CDH2: variants seen among roughly 807,000 people sequenced by gnomAD.
CDH2 encodes the protein cadherin 2, also known as cadherin-2.
Under a neutral mutation model 92.0 loss-of-function variants are expected in CDH2, and 17 were observed. That is an observed-to-expected ratio of 0.18 (90% CI 0.13 to 0.28). The LOEUF is 0.28. CDH2 is among the 10% of genes least tolerant of loss of function. The pLI, the probability that CDH2 is intolerant of heterozygous loss-of-function variation, is 1.00. For synonymous variants in CDH2, 419 were observed against 415.9 expected, an observed-to-expected ratio of 1.01 and a Z score of -0.09; for missense variants, 862 against 1,133.1, an observed-to-expected ratio of 0.76 and a Z score of 3.44.
intron 1 of CDH2, among the ~76,000 whole-genome samples, chr18:28,162,716 C>T (rs1376768644): frequency 6.6e-6 from 1 of 152,208 alleles, no homozygotes; most frequent in Admixed American, 6.5e-5. Context: ...TTTCAAGGAA[C>T]TGGCCGAGTT....
At chr18:27,997,596 T>G (rs1339340932) in intron 7 of CDH2, among the ~76,000 whole-genome samples, 4 of 151,950 alleles carry the variant, frequency 2.6e-5, no homozygotes, top group Admixed American at 6.6e-5. Context: ...AGATTGCAGG[T>G]AGAGGGACAG....
intron 15 of CDH2, among the ~76,000 whole-genome samples, chr18:27,959,939 C>T (rs1479626535): frequency 6.6e-6 from 1 of 151,930 alleles, no homozygotes; most frequent in African/African-American, 2.4e-5. Flanking sequence ...GGCTTGACCC[C>T]AGGAGGCTGA....
At chr18:28,112,181 A>G (rs2015424057) in intron 2 of CDH2, among the ~76,000 whole-genome samples, 1 of 152,248 alleles carries the variant, frequency 6.6e-6, no homozygotes, top group Non-Finnish European at 1.5e-5. Context: ...CCATGTCACC[A>G]GCAGACCACT....
chr18:28,045,356 T>C, intron 2 of CDH2: 1 of 454,534 alleles, frequency 2.2e-6, no homozygotes, highest in South Asian at 1.7e-5. Flanking sequence ...AACCCAAAGC[T>C]TATCAGGTTT....
At chr18:28,090,657 G>A (rs2015020473) in intron 2 of CDH2, among the ~76,000 whole-genome samples, 1 of 152,144 alleles carries the variant, frequency 6.6e-6, no homozygotes, top group Non-Finnish European at 1.5e-5. Context: ...GCAAACTGGT[G>A]GCAATGCTAT....
intron 2 of CDH2, among the ~76,000 whole-genome samples, chr18:28,100,221 A>T (rs949621157): frequency 1.3e-5 from 2 of 152,200 alleles, no homozygotes; most frequent in African/African-American, 4.8e-5. Context: ...TAGACTGAAT[A>T]AAACAGATTG....
At chr18:28,013,369 T>C (rs1013386504) in intron 3 of CDH2, among the ~76,000 whole-genome samples, 4 of 152,202 alleles carry the variant, frequency 2.6e-5, no homozygotes, top group Non-Finnish European at 5.9e-5. Context: ...TTGTAAAGAA[T>C]TGTTTATTTT....
At chr18:27,947,651 T>C, downstream of CDH2, among the ~76,000 whole-genome samples, 1 of 147,556 alleles carries the variant, frequency 6.8e-6, no homozygotes, top group Non-Finnish European at 1.5e-5. Flanking sequence ...TGTAAGTATG[T>C]GATATAAGTA....
intron 1 of CDH2, among the ~76,000 whole-genome samples, chr18:28,176,427 A>T (rs2016542838): frequency 6.6e-6 from 1 of 152,176 alleles, no homozygotes; most frequent in Non-Finnish European, 1.5e-5. Flanking sequence ...CCAGACTGGG[A>T]TAAAGACAAT....
chr18:28,174,298 A>T (rs148945879), intron 1 of CDH2, among the ~76,000 whole-genome samples: 14 of 152,334 alleles, frequency 9.2e-5, no homozygotes, highest in African/African-American at 3.4e-4. Context: ...ACTGCAGGAC[A>T]GCCACTTTCA....
rs68093312 is a variant in CDH2, at chr18:28,044,850, C to CGTGTGTGTGTGTGT, written c.173-30955_173-30942dup. Among the ~76,000 whole-genome samples, 1,239 of 148,492 alleles carry CGTGTGTGTGTGTGT rather than the reference C, an allele frequency of 8.3e-3. 11 individuals are homozygous for CGTGTGTGTGTGTGT. The highest frequency in any genetic ancestry group is 0.034 in the Admixed American group (503 of 14,770). ...ATTTTAAAAAGATAATATATAACAT[C>CGTGTGTGTGTGTGT]GTGTGTGTGTGTGTGTGTGTGTGTG... On this transcript the variant is annotated intron_variant, in intron 2 of 15. Transcript: ENST00000269141.
At chr18:27,967,377 C>A (rs1248148358) in intron 14 of CDH2, among the ~76,000 whole-genome samples, 3 of 152,032 alleles carry the variant, frequency 2.0e-5, no homozygotes, top group Non-Finnish European at 4.4e-5. Flanking sequence ...CTTTACAATC[C>A]CATAATGATG....
At chr18:28,103,496 CACAT>C (rs2015269494) in intron 2 of CDH2, among the ~76,000 whole-genome samples, 2 of 150,148 alleles carry the variant, frequency 1.3e-5, no homozygotes, top group African/African-American at 4.9e-5. Flanking sequence ...CACACACACA[CACAT>C]ATATACACAC....
At chr18:27,996,235 C>T (rs1392388506) in intron 7 of CDH2, among the ~76,000 whole-genome samples, 1 of 152,092 alleles carries the variant, frequency 6.6e-6, no homozygotes, top group Non-Finnish European at 1.5e-5. Context: ...CTGTGTCATT[C>T]CATTTGGCAT....
chr18:28,176,980 G>A lies in CDH2; in HGVS notation c.43C>T (p.Leu15=), dbSNP rs558600173. The A allele has an allele frequency of 7.2e-4, 1,035 of 1,437,052 alleles. No individual in the cohort carries two copies. The highest frequency in any genetic ancestry group is 8.5e-4 in the Non-Finnish European group (931 of 1,093,884). 89.0% of individuals were successfully genotyped at this position (1,437,052 alleles called of 1,614,324 possible). A position where few individuals can be genotyped will look rare whatever the true frequency, so the allele number is the denominator to read the frequency against. ...AGALRTLLPL[L]AALLQASVEA... is the part of the protein sequence containing the mutation. ...CCGCGTACCTGAAGCAGGGCCGCCA[G>A]CAGCGGCAGCAGGGTCCGCAGCGCT... is the stretch of plus-strand genomic sequence containing the variant. The change falls in exon 1 of 16, where the codon CTG becomes TTG. Residue 15 remains leucine (L), a synonymous_variant. Transcript: ENST00000269141.
chr18:28,108,748 T>C (rs2015361961), intron 2 of CDH2, among the ~76,000 whole-genome samples: 1 of 151,276 alleles, frequency 6.6e-6, no homozygotes, highest in African/African-American at 2.4e-5. Flanking sequence ...AGATGTAAAC[T>C]GTGCTTTGCA....
At position 28,045,078 on chromosome 18, in the gene CDH2, C is replaced by T. The variant is rs2014047472; in HGVS notation, c.173-31169G>A. Among the ~76,000 whole-genome samples the T allele has an allele frequency of 2.0e-5, 3 of 152,230 alleles. No individual in the cohort carries two copies. The East Asian group carries it at 5.8e-4, about 29-fold the overall frequency. On this transcript the variant is annotated intron_variant, in intron 2 of 15. Transcript: ENST00000269141. ...AAATTAACACCCACATTCCTCTGAG[C>T]CTGGGTTCTCCTACACCGCTCACCA...
At chr18:28,052,706 C>A in intron 2 of CDH2, among the ~76,000 whole-genome samples, 1 of 152,136 alleles carries the variant, frequency 6.6e-6, no homozygotes, top group East Asian at 1.9e-4. Flanking sequence ...ACGAAGTGGC[C>A]AGACATTCTC....
intron 6 of CDH2, among the ~76,000 whole-genome samples, chr18:27,940,992 G>GATAA (rs958367344): frequency 2.0e-5 from 3 of 149,102 alleles, no homozygotes; most frequent in Non-Finnish European, 4.4e-5. Flanking sequence ...TTGTAGGAGA[G>GATAA]ATACATACAT....
Sources: allele counts gnomAD v4.1 joint callset (sites outside exome capture counted in the v4.1 genomes callset), GRCh38; gene constraint gnomAD v4.1.1; transcripts MANE v1.5; gene names NCBI Gene and HGNC (gene_info 2026-07-23, HGNC 2026-07-21).